Variants in MCFD2 observed in about 807,000 individuals in gnomAD.
MCFD2 encodes multiple coagulation factor deficiency protein 2.
In MCFD2, 11 loss-of-function variants were observed where a neutral mutation model predicts 12.8. That is an observed-to-expected ratio of 0.86 (90% CI 0.54 to 1.42). The LOEUF is 1.42. MCFD2 is among the 40% of genes most tolerant of loss of function. The pLI, the probability that MCFD2 is intolerant of heterozygous loss-of-function variation, is 0.00. For missense variants in MCFD2, 191 were observed against 178.6 expected (o/e 1.07, Z -0.40); for synonymous variants, 70 against 68.1 (o/e 1.03, Z -0.14).
chr2:46,908,795 A>G lies in MCFD2; in HGVS notation c.149+228T>C, dbSNP rs2103746839. 2 of 591,582 alleles carry G rather than the reference A, an allele frequency of 3.4e-6. No homozygotes were observed. The highest frequency in any genetic ancestry group is 3.0e-6 in the Non-Finnish European group (1 of 334,136). 36.6% of individuals were successfully genotyped at this position (591,582 alleles called of 1,614,324 possible). A position where few individuals can be genotyped will look rare whatever the true frequency, so the allele number is the denominator to read the frequency against. ...GAAAAAAAGGAGAGACCGGATTCAG[A>G]CAAGTAATGTGCCCCATTTGGGCCT... On this transcript the variant is annotated intron_variant, in intron 2 of 3. Transcript: ENST00000319466. This position sits in a 1 kb window ranked among gnomAD's most constrained non-coding sequence, Gnocchi z 4.5.
At chr2:46,926,745 A>G (rs981789975) in intron 1 of MCFD2, among the ~76,000 whole-genome samples, 2 of 152,242 alleles carry the variant, frequency 1.3e-5, no homozygotes, top group African/African-American at 4.8e-5. Context: ...ACAACTAGAC[A>G]TGAGGAAACA....
At chr2:46,931,991 A>G (rs1485294565) in intron 1 of MCFD2, among the ~76,000 whole-genome samples, 1 of 152,324 alleles carries the variant, frequency 6.6e-6, no homozygotes, top group Admixed American at 6.5e-5. Flanking sequence ...AATGGATCTA[A>G]GGAAGAAAAA....
chr2:46,907,937 T>C lies in MCFD2; in HGVS notation c.182A>G (p.Asn61Ser), dbSNP rs138519672. ...HIMEHLEGVI[N>S]KPEAEMSPQE... The stretch of plus-strand genomic sequence containing the variant: ...TGGCGACATCTCCGCCTCTGGTTTG[T>C]TGATGACACCTTCTAGATGCTCCAT... The change falls in exon 3 of 4, where the codon AAC (asparagine) becomes AGC (serine). Residue 61 changes from asparagine (N) to serine (S), a missense_variant. Coordinates refer to ENST00000319466, the MANE Select transcript of MCFD2 (RefSeq NM_139279.6). This position sits in a 1 kb window ranked among gnomAD's most constrained non-coding sequence, Gnocchi z 4.1. The C allele has an allele frequency of 2.5e-5, 40 of 1,614,118 alleles. No individual in the cohort carries two copies. The highest frequency in any genetic ancestry group is 3.2e-5 in the Non-Finnish European group (38 of 1,180,052).
rs1215806282 is a variant in MCFD2, at chr2:46,902,138, A to T, written c.*3325T>A. The T allele has an allele frequency of 2.6e-5, 4 of 152,684 alleles. No homozygotes were observed. Among genetic ancestry groups the T allele is most frequent in the African/African-American group, 9.6e-5 (4 of 41,468 alleles). The allele number at this position is 152,684 out of a possible 1,614,324, so 9.5% of individuals were successfully genotyped here. A position where few individuals can be genotyped will look rare whatever the true frequency, so the allele number is the denominator to read the frequency against. ...GGTTTTCTATTACAGAACGTCCATC[A>T]CATCCAATAAACCAAATTACAATCT... On this transcript the variant is annotated 3_prime_UTR_variant, in exon 4 of 4. Transcript: ENST00000319466.
At chr2:46,917,890 A>G (rs6729621), upstream of MCFD2, among the ~76,000 whole-genome samples, 106,578 of 152,140 alleles carry the variant, frequency 0.7, 38,901 homozygotes, top group African/African-American at 0.9. Context: ...TACCTCACTC[A>G]TTATCCTTTC....
At chr2:46,934,787 CTTTTTTTTTTTTTT>C (rs1161003607) in intron 1 of MCFD2, among the ~76,000 whole-genome samples, 1 of 66,888 alleles carries the variant, frequency 1.5e-5, no homozygotes, top group African/African-American at 6.5e-5. Context: ...GACTACTGCT[CTTTTTTTTTTTTTT>C]TTTTTTTTTT....
chr2:46,934,926 G>A (rs1669900710), intron 1 of MCFD2, among the ~76,000 whole-genome samples: 1 of 150,644 alleles, frequency 6.6e-6, no homozygotes, highest in Admixed American at 6.6e-5. Flanking sequence ...TCAGCCTCCT[G>A]AGTAGCTGGA....
rs192624256 is a variant in MCFD2, at chr2:46,930,969, T to C, written c.-8+10603A>G. On this transcript the variant is annotated intron_variant, in intron 1 of 2. Transcript: ENST00000409147. ...CATAATTTTGATGACCAAAAGCCAA[T>C]GAAGACAGTTCCAGATGAGAAAATT... is the stretch of plus-strand genomic sequence containing the variant. 2.8e-4 allele frequency among the ~76,000 whole-genome samples: 42 copies of C among 152,198 alleles called. 1 individual carries two copies. Among genetic ancestry groups the C allele is most frequent in the Admixed American group, 1.9e-3 (29 of 15,292 alleles).
chr2:46,906,495 T>C (rs1414269756), intron 3 of MCFD2, among the ~76,000 whole-genome samples: 4 of 144,358 alleles, frequency 2.8e-5, no homozygotes, highest in Non-Finnish European at 6.1e-5. Flanking sequence ...TTTTTTTTTT[T>C]TTTTTTTTGA....
chr2:46,905,366 G>T lies in MCFD2; in HGVS notation c.*97C>A. 7.4e-7 allele frequency: 1 copy of T among 1,356,092 alleles called. No individual in the cohort carries two copies. Among genetic ancestry groups the T allele is most frequent in the Non-Finnish European group, 1.1e-6 (1 of 948,908 alleles). 84.0% of individuals were successfully genotyped at this position (1,356,092 alleles called of 1,614,324 possible). A position where few individuals can be genotyped will look rare whatever the true frequency, so the allele number is the denominator to read the frequency against. ...TACAGGTTTTTACCAAAATGCTGCA[G>T]CAGTAGTTGGAAATGAGTTATTTTG... On this transcript the variant is annotated 3_prime_UTR_variant, in exon 4 of 4. Transcript: ENST00000319466.
upstream of MCFD2, among the ~76,000 whole-genome samples, chr2:46,920,088 C>T (rs911404169): frequency 4.6e-5 from 7 of 152,262 alleles, no homozygotes; most frequent in Admixed American, 2.6e-4. Flanking sequence ...TTGTTTCTTC[C>T]GTCCCTGACT....
intron 1 of MCFD2, among the ~76,000 whole-genome samples, chr2:46,932,394 G>A (rs1436905834): frequency 2.0e-5 from 3 of 151,976 alleles, no homozygotes; most frequent in Admixed American, 6.6e-5. Context: ...TATGATCCTC[G>A]CACCTTGGCC....
Position 46,934,832 on chromosome 2 carries a change from C to T in MCFD2, c.-8+6740G>A, listed in dbSNP as rs186952791. 2.4e-3 allele frequency among the ~76,000 whole-genome samples: 264 copies of T among 111,534 alleles called. 2 individuals are homozygous for T. The highest frequency in any genetic ancestry group is 0.019 in the Admixed American group (170 of 9,066). 73.2% of individuals were successfully genotyped at this position (111,534 alleles called of 152,430 possible). A position where few individuals can be genotyped will look rare whatever the true frequency, so the allele number is the denominator to read the frequency against. On this transcript the variant is annotated intron_variant, in intron 1 of 2. Coordinates refer to the MCFD2 transcript ENST00000409147. ...TTTTTTTTTTTTTGAGACTGAGTCTCGCTCTGTCGCCAGGCTGGAGTGCAG... is the reference window on the plus strand; with the variant it reads ...TTTTTTTTTTTTTGAGACTGAGTCTTGCTCTGTCGCCAGGCTGGAGTGCAG...
At chr2:46,931,556 G>C (rs936609368) in intron 1 of MCFD2, among the ~76,000 whole-genome samples, 23 of 152,164 alleles carry the variant, frequency 1.5e-4, no homozygotes, top group Non-Finnish European at 2.9e-4. Flanking sequence ...TGGAAGCAAA[G>C]GTTGGAGTGA....
intron 1 of MCFD2, among the ~76,000 whole-genome samples, chr2:46,931,691 ATAAT>A (rs1461022933): frequency 1.0e-5 from 1 of 98,438 alleles, no homozygotes; most frequent in Non-Finnish European, 2.0e-5. Context: ...AAAACAGACA[ATAAT>A]AAATAAATAA....
intron 1 of MCFD2, among the ~76,000 whole-genome samples, chr2:46,931,723 T>TAAATAAAA (rs1406473779): frequency 1.3e-5 from 2 of 151,544 alleles, no homozygotes; most frequent in East Asian, 1.9e-4. Flanking sequence ...AATAAATAAA[T>TAAATAAAA]AAAATTGATA....
In MCFD2 at chr2:46,941,043, G is replaced by GGGC. The variant is rs555336676; in HGVS notation, c.-8+526_-8+528dup. 0.012 allele frequency: 1,772 copies of GGGC among 151,452 alleles called. 40 individuals are homozygous for GGGC. Among genetic ancestry groups the GGGC allele is most frequent in the African/African-American group, 0.04 (1,640 of 41,268 alleles). The allele number at this position is 151,452 out of a possible 1,614,324, so 9.4% of individuals were successfully genotyped here. A position where few individuals can be genotyped will look rare whatever the true frequency, so the allele number is the denominator to read the frequency against. On this transcript the variant is annotated intron_variant, in intron 1 of 2. Coordinates refer to the MCFD2 transcript ENST00000409147. This position sits in a 1 kb window ranked among gnomAD's most constrained non-coding sequence, Gnocchi z 4.2. ...AAAGTGAGCTCCGACTCCGCGGCGG[G>GGGC]GGCGGCGGCGGGGGGCGGGTACCCG...
chr2:46,912,915 GATGAAACTTT>G (rs1330907637), intron 1 of MCFD2, among the ~76,000 whole-genome samples: 4 of 152,196 alleles, frequency 2.6e-5, no homozygotes, highest in African/African-American at 9.7e-5. Context: ...TGTAACTGAA[GATGAAACTTT>G]TCTTTTGGAG....
At chr2:46,924,051 A>T (rs996271962) in intron 1 of MCFD2, among the ~76,000 whole-genome samples, 9 of 151,972 alleles carry the variant, frequency 5.9e-5, no homozygotes, top group East Asian at 1.9e-4. Context: ...AAAATTTTTT[A>T]AAAAATAGCC....
Sources: allele counts gnomAD v4.1 joint callset (sites outside exome capture counted in the v4.1 genomes callset), GRCh38; gene constraint gnomAD v4.1.1; non-coding constraint Gnocchi (gnomAD v3.1); transcripts MANE v1.5; gene names NCBI Gene and HGNC (gene_info 2026-07-23, HGNC 2026-07-21).